Variants in GPC6 observed in about 807,000 individuals in gnomAD.
The protein encoded by GPC6 is glypican 6.
GPC6 carries 14 observed loss-of-function variants against 55.2 expected under a neutral mutation model. The observed-to-expected ratio is 0.25, with a 90% confidence interval of 0.17 to 0.40. The LOEUF is 0.40. Among genes scored for constraint, GPC6 ranks in the 10% least tolerant of loss-of-function variants. GPC6 has a pLI of 1.00. For missense variants in GPC6, 641 were observed against 708.5 expected, an observed-to-expected ratio of 0.90 and a Z score of 1.08; for synonymous variants, 278 against 259.6, an observed-to-expected ratio of 1.07 and a Z score of -0.68.
intron 2 of GPC6, among the ~76,000 whole-genome samples, chr13:93,826,330 C>G (rs1341333774): frequency 6.6e-6 from 1 of 152,124 alleles, no homozygotes; most frequent in African/African-American, 2.4e-5. Context: ...ATTGCATACA[C>G]ATGTGTGTAT....
Position 94,076,212 on chromosome 13 carries a change from C to T in GPC6, c.877+48318C>T, listed in dbSNP as rs114249569. 4.8e-3 allele frequency among the ~76,000 whole-genome samples: 726 copies of T among 151,600 alleles called. 8 individuals are homozygous for T. The highest frequency in any genetic ancestry group is 0.017 in the African/African-American group (689 of 41,368). ...TGCTTTCATTAAATTTCCCTGATGA[C>T]TAGTGATGTTGAGCATTATTTTATT... On this transcript the variant is annotated intron_variant, in intron 4 of 8. Coordinates refer to ENST00000377047, the MANE Select transcript of GPC6 (RefSeq NM_005708.5).
In GPC6 at chr13:94,406,635, A is replaced by G. The variant is rs1881380666; in HGVS notation, c.*3418A>G. On this transcript the variant is annotated 3_prime_UTR_variant, in exon 9 of 9. Coordinates refer to ENST00000377047, the MANE Select transcript of GPC6 (RefSeq NM_005708.5). ...ACACATTGAAAATATTATTACAGGC[A>G]GAACCCTGATTTTTAATTTATATTC... The G allele has an allele frequency of 2.0e-5, 3 of 152,192 alleles. No individual in the cohort carries two copies. 9.4% of individuals were successfully genotyped at this position (152,192 alleles called of 1,614,324 possible).
Position 94,087,803 on chromosome 13 carries a change from A to G in GPC6, c.877+59909A>G, listed in dbSNP as rs537810811. On this transcript the variant is annotated intron_variant, in intron 4 of 8. Transcript: ENST00000377047. ...CGACATCATAGTCATCTTTGAGCTT[A>G]GCTTGCTTTGGAGTCCAGCACTACT... is the stretch of plus-strand genomic sequence containing the variant. Among the ~76,000 whole-genome samples the G allele has an allele frequency of 1.4e-4, 21 of 152,328 alleles. No homozygotes were observed. In the South Asian group the frequency reaches 3.9e-3, roughly 29 times the overall value.
chr13:93,270,005 G>A (rs1877463904), intron 1 of GPC6, among the ~76,000 whole-genome samples: 1 of 151,656 alleles, frequency 6.6e-6, no homozygotes, highest in Non-Finnish European at 1.5e-5. Context: ...GTTCTTGCCT[G>A]GAGTCCCAGT....
intron 4 of GPC6, among the ~76,000 whole-genome samples, chr13:94,136,948 T>G (rs1333020095): frequency 6.6e-6 from 1 of 152,128 alleles, no homozygotes; most frequent in Non-Finnish European, 1.5e-5. Context: ...GTAGGAAGTA[T>G]AGACATTTGA....
chr13:93,729,453 T>C (rs1008901494), intron 2 of GPC6, among the ~76,000 whole-genome samples: 3 of 152,294 alleles, frequency 2.0e-5, no homozygotes, highest in African/African-American at 2.4e-5. Context: ...CAAGGAGTCA[T>C]TGGTCATGAG....
intron 1 of GPC6, among the ~76,000 whole-genome samples, chr13:93,411,600 C>T (rs574436360): frequency 5.5e-4 from 84 of 152,226 alleles, no homozygotes; most frequent in Middle Eastern, 3.4e-3. Flanking sequence ...GAAGTTCATT[C>T]TTTAGTGGAA....
At chr13:93,224,100 G>T (rs1425631254), upstream of GPC6, among the ~76,000 whole-genome samples, 25 of 151,176 alleles carry the variant, frequency 1.7e-4, no homozygotes, top group African/African-American at 6.1e-4. Flanking sequence ...GGGTTTCACC[G>T]TGTTAGCCAG....
intron 1 of GPC6, among the ~76,000 whole-genome samples, chr13:93,466,430 C>T (rs2139321693): frequency 6.6e-6 from 1 of 152,226 alleles, no homozygotes; most frequent in Admixed American, 6.5e-5. Flanking sequence ...ATTTTGCTAA[C>T]CTGTTAAAGA....
At chr13:94,059,910 A>T (rs1884263049) in intron 4 of GPC6, among the ~76,000 whole-genome samples, 1 of 151,608 alleles carries the variant, frequency 6.6e-6, no homozygotes, top group African/African-American at 2.4e-5. Flanking sequence ...ATACATAAAC[A>T]TCCAGTCTGT....
intron 6 of GPC6, among the ~76,000 whole-genome samples, chr13:94,346,342 G>A (rs1026508108): frequency 1.1e-4 from 16 of 152,242 alleles, no homozygotes; most frequent in Admixed American, 2.6e-4. Context: ...TGAATGCTGC[G>A]CTATGTAAGA....
chr13:94,033,165 T>C (rs1883203739), intron 4 of GPC6, among the ~76,000 whole-genome samples: 1 of 152,226 alleles, frequency 6.6e-6, no homozygotes, highest in African/African-American at 2.4e-5. Flanking sequence ...TTTCTTTTAA[T>C]GGAGGTATAA....
chr13:94,010,993 T>C (rs1267487495), intron 3 of GPC6, among the ~76,000 whole-genome samples: 1 of 152,156 alleles, frequency 6.6e-6, no homozygotes, highest in African/African-American at 2.4e-5. Context: ...ATTAAAGTTT[T>C]CTAAAATGTT....
chr13:94,066,490 T>C (rs1427393005), intron 4 of GPC6, among the ~76,000 whole-genome samples: 1 of 152,192 alleles, frequency 6.6e-6, no homozygotes, highest in Admixed American at 6.5e-5. Context: ...TAAGCCATCA[T>C]TTTATACATT....
At chr13:94,036,222 T>A (rs2138732684) in intron 4 of GPC6, among the ~76,000 whole-genome samples, 1 of 152,200 alleles carries the variant, frequency 6.6e-6, no homozygotes, top group South Asian at 2.1e-4. Flanking sequence ...CTTGGTCAGA[T>A]ATCCAGGAGA....
intron 1 of GPC6, among the ~76,000 whole-genome samples, chr13:93,442,141 C>T (rs938824197): frequency 2.0e-5 from 3 of 152,084 alleles, no homozygotes. Context: ...TAATGGAGGG[C>T]CCTGATATCC....
At chr13:93,789,501 CTCTCTCTCTA>C (rs1443870162) in intron 2 of GPC6, among the ~76,000 whole-genome samples, 4 of 78,978 alleles carry the variant, frequency 5.1e-5, no homozygotes, top group South Asian at 4.2e-4. Flanking sequence ...CTCTCTCTCT[CTCTCTCTCTA>C]TATATATATA....
intron 3 of GPC6, among the ~76,000 whole-genome samples, chr13:93,911,013 A>C (rs1876946120): frequency 6.6e-6 from 1 of 152,220 alleles, no homozygotes; most frequent in Non-Finnish European, 1.5e-5. Flanking sequence ...TGAAATCAGA[A>C]TCCAATATTG....
intron 2 of GPC6, among the ~76,000 whole-genome samples, chr13:93,549,913 C>A (rs1236194262): frequency 1.3e-5 from 2 of 152,072 alleles, no homozygotes; most frequent in Non-Finnish European, 2.9e-5. Flanking sequence ...TAGAAATAGT[C>A]ATGTTATATA....
Sources: allele counts gnomAD v4.1 joint callset (sites outside exome capture counted in the v4.1 genomes callset), GRCh38; gene constraint gnomAD v4.1.1; transcripts MANE v1.5; gene names NCBI Gene and HGNC (gene_info 2026-07-23, HGNC 2026-07-21).